ARHGEF28: variants seen among roughly 807,000 people sequenced by gnomAD.
The protein encoded by ARHGEF28 is Rho guanine nucleotide exchange factor 28, also known as 190 kDa guanine nucleotide exchange factor.
In ARHGEF28, 152 loss-of-function variants were observed where a neutral mutation model predicts 206.6. The ratio of observed to expected loss-of-function variants is 0.74; its 90% CI spans 0.64 to 0.84. The LOEUF (loss-of-function observed/expected upper bound fraction) is 0.84. Ranked by LOEUF, ARHGEF28 falls within the 40% of genes least tolerant of loss-of-function variation. The pLI, the probability that ARHGEF28 is intolerant of heterozygous loss-of-function variation, is 0.00. For synonymous variants in ARHGEF28, 763 were observed against 776.4 expected (o/e 0.98, Z 0.29); for missense variants, 2,028 against 2,073.2 (o/e 0.98, Z 0.42).
chr5:73,694,420 G>A (rs1230541719), intron 2 of ARHGEF28, among the ~76,000 whole-genome samples: 1 of 152,142 alleles, frequency 6.6e-6, no homozygotes, highest in Admixed American at 6.5e-5. Flanking sequence ...GTGGTGTGCA[G>A]CCTGTATTTT....
intron 35 of ARHGEF28, among the ~76,000 whole-genome samples, chr5:73,933,193 A>C (rs2112035397): frequency 6.6e-6 from 1 of 152,300 alleles, no homozygotes; most frequent in South Asian, 2.1e-4. Context: ...CCAAATTCCA[A>C]GAAAACGTTA....
In ARHGEF28 at chr5:73,682,167, T is replaced by C. The variant is rs570223885; in HGVS notation, c.-11-2674T>C. Among the ~76,000 whole-genome samples, 40 of 152,306 alleles carry C rather than the reference T, an allele frequency of 2.6e-4. 2 individuals carry two copies. In the South Asian group the frequency reaches 7.7e-3, roughly 29 times the overall value. ...TAAACTGCCATAGGGGCATGATATTTTAAATAAAATTGAGGGCTGAGAAGG... is the reference window on the plus strand; with the variant it reads ...TAAACTGCCATAGGGGCATGATATTCTAAATAAAATTGAGGGCTGAGAAGG... On this transcript the variant is annotated intron_variant, in intron 1 of 35. Coordinates refer to ENST00000513042, the MANE Select transcript of ARHGEF28 (RefSeq NM_001177693.2).
intron 2 of ARHGEF28, among the ~76,000 whole-genome samples, chr5:73,699,721 G>A (rs1012530975): frequency 1.3e-5 from 2 of 152,178 alleles, no homozygotes; most frequent in African/African-American, 4.8e-5. Flanking sequence ...TGTGGTTATT[G>A]AAAGTGACTG....
At chr5:73,894,268 T>C in intron 28 of ARHGEF28, 125 bp from the exon 29 acceptor site, 1 of 959,432 alleles carries the variant, frequency 1.0e-6, no homozygotes, top group East Asian at 2.6e-5. Context: ...GCCCCACTCA[T>C]CAACCTGGGT....
rs577949891 is a variant in ARHGEF28, at chr5:73,864,235, A to G, written c.2048-582A>G. On this transcript the variant is annotated intron_variant, in intron 16 of 35. Transcript: ENST00000513042. ...GGAAAGTATTCCCTTACATTCTTCC[A>G]GTGAGATGACATTGTTTTATGACAT... is the stretch of plus-strand genomic sequence containing the variant. Among the ~76,000 whole-genome samples the G allele has an allele frequency of 3.3e-5, 5 of 152,318 alleles. No individual in the cohort carries two copies. In the South Asian group the frequency reaches 1.0e-3, roughly 32 times the overall value.
chr5:73,797,534 G>A (rs1178943223), intron 9 of ARHGEF28, among the ~76,000 whole-genome samples: 1 of 152,112 alleles, frequency 6.6e-6, no homozygotes, highest in Non-Finnish European at 1.5e-5. Flanking sequence ...CCGAGTAGCT[G>A]GGATTACAGG....
intron 14 of ARHGEF28, among the ~76,000 whole-genome samples, chr5:73,854,230 A>G (rs1300711949): frequency 6.6e-6 from 1 of 152,050 alleles, no homozygotes; most frequent in Non-Finnish European, 1.5e-5. Context: ...GTCATGTTAC[A>G]GGTATTTACC....
At chr5:73,659,354 C>G (rs1326934573) in intron 1 of ARHGEF28, among the ~76,000 whole-genome samples, 1 of 152,054 alleles carries the variant, frequency 6.6e-6, no homozygotes, top group Non-Finnish European at 1.5e-5. Flanking sequence ...CACGGTGAAA[C>G]CCCGTCTCTA....
chr5:73,865,505 C>T (rs1471826269), intron 17 of ARHGEF28, among the ~76,000 whole-genome samples: 1 of 152,110 alleles, frequency 6.6e-6, no homozygotes, highest in African/African-American at 2.4e-5. Flanking sequence ...CAGTTGCAAA[C>T]CTCTGTGTCA....
rs368106319 is a variant in ARHGEF28 at position 73,643,676 on chromosome 5, G to A, written c.-12+17354G>A. Among the ~76,000 whole-genome samples the A allele has an allele frequency of 1.8e-4, 28 of 152,052 alleles. 1 individual carries two copies. Among genetic ancestry groups the A allele is most frequent in the South Asian group, 1.0e-3 (5 of 4,814 alleles). On this transcript the variant is annotated intron_variant, in intron 1 of 35. Coordinates refer to ENST00000513042, the MANE Select transcript of ARHGEF28 (RefSeq NM_001177693.2). ...CAAAAAATGCAAAAATCAACCCAGCGTGGTGGTGTGCACCTGTAGTCCCAG... is the reference window on the plus strand; with the variant it reads ...CAAAAAATGCAAAAATCAACCCAGCATGGTGGTGTGCACCTGTAGTCCCAG...
intron 1 of ARHGEF28, among the ~76,000 whole-genome samples, chr5:73,670,246 G>T (rs1746225199): frequency 6.6e-6 from 1 of 152,174 alleles, no homozygotes; most frequent in Non-Finnish European, 1.5e-5. Context: ...GAATTATACA[G>T]ACTGTAACCT....
intron 35 of ARHGEF28, among the ~76,000 whole-genome samples, chr5:73,912,344 C>T (rs1417841218): frequency 6.6e-6 from 1 of 152,064 alleles, no homozygotes; most frequent in East Asian, 1.9e-4. Context: ...ATAAATCACC[C>T]ACAGCAAAAT....
intron 27 of ARHGEF28, 134 bp downstream of exon 27, chr5:73,892,364 G>T (rs1423872581): frequency 6.4e-6 from 6 of 939,182 alleles, no homozygotes; most frequent in Non-Finnish European, 9.3e-6. Flanking sequence ...ACCTGCCTGC[G>T]ATAGCCCCCC....
intron 1 of ARHGEF28, among the ~76,000 whole-genome samples, chr5:73,636,590 GTGGT>G (rs1212506692): frequency 1.3e-5 from 2 of 152,024 alleles, no homozygotes; most frequent in Non-Finnish European, 2.9e-5. Flanking sequence ...GTGATTGCTG[GTGGT>G]TCACACCATT....
At chr5:73,728,699 C>A (rs966523272) in intron 2 of ARHGEF28, among the ~76,000 whole-genome samples, 4 of 152,046 alleles carry the variant, frequency 2.6e-5, no homozygotes, top group African/African-American at 9.7e-5. Flanking sequence ...ATTGGAGAAC[C>A]CTGATGAGAT....
chr5:73,703,695 G>A (rs910866118), intron 2 of ARHGEF28, among the ~76,000 whole-genome samples: 14 of 149,304 alleles, frequency 9.4e-5, no homozygotes, highest in Non-Finnish European at 1.9e-4. Flanking sequence ...GTCTATCTTC[G>A]TATAGAAGTA....
In ARHGEF28 at chr5:73,870,154, C is replaced by G. The variant is rs778164995; in HGVS notation, c.2511C>G (p.Pro837=). The part of the protein sequence containing the change: ...EAESWSLVVD[P]SFCNRQEKDV... ...AATCTTGGAGTCTTGTGGTGGATCCCTCATTTTGTAATAGGCAGGAGAAGG... is the reference window on the plus strand; with the variant it reads ...AATCTTGGAGTCTTGTGGTGGATCCGTCATTTTGTAATAGGCAGGAGAAGG... The change falls in exon 21 of 36, where the codon CCC becomes CCG. Residue 837 remains proline (P), a synonymous_variant. Coordinates refer to ENST00000513042, the MANE Select transcript of ARHGEF28 (RefSeq NM_001177693.2). 2 of 1,613,728 alleles carry G rather than the reference C, an allele frequency of 1.2e-6. No homozygotes were observed. The highest frequency in any genetic ancestry group is 1.7e-6 in the Non-Finnish European group (2 of 1,179,866).
chr5:73,926,275 A>C (rs1281768196), intron 35 of ARHGEF28, among the ~76,000 whole-genome samples: 1 of 152,224 alleles, frequency 6.6e-6, no homozygotes, highest in Non-Finnish European at 1.5e-5. Flanking sequence ...GGCTGATTAT[A>C]GGCAGGCAAA....
At chr5:73,837,706 T>C (rs116630015) in intron 10 of ARHGEF28, among the ~76,000 whole-genome samples, 6,589 of 151,588 alleles carry the variant, frequency 0.043, 196 homozygotes, top group African/African-American at 0.073. Context: ...TCTCTTTCTT[T>C]CTTTCTTCCT....
Sources: allele counts gnomAD v4.1 joint callset (sites outside exome capture counted in the v4.1 genomes callset), GRCh38; gene constraint gnomAD v4.1.1; transcripts MANE v1.5; gene names NCBI Gene and HGNC (gene_info 2026-07-23, HGNC 2026-07-21).